The following CRHR2 variants were observed in gnomAD, a reference collection of about 807,000 sequenced individuals.
CRHR2 encodes the protein corticotropin releasing hormone receptor 2.
CRHR2 carries 53 observed loss-of-function variants against 57.9 expected under a neutral mutation model. The ratio of observed to expected loss-of-function variants is 0.92; its 90% CI spans 0.73 to 1.15. CRHR2 has a LOEUF of 1.15. Ranked by LOEUF, CRHR2 falls within the 50% of genes most tolerant of loss-of-function variation. The pLI, the probability that CRHR2 is intolerant of heterozygous loss-of-function variation, is 0.00. For missense variants in CRHR2, 532 were observed against 542.6 expected, an observed-to-expected ratio of 0.98 and a Z score of 0.19; for synonymous variants, 213 against 220.9, an observed-to-expected ratio of 0.96 and a Z score of 0.32.
chr7:30,678,302 T>C (rs1784585186), intron 2 of CRHR2, among the ~76,000 whole-genome samples: 1 of 152,138 alleles, frequency 6.6e-6, no homozygotes, highest in Non-Finnish European at 1.5e-5. Context: ...AGTTTCCCCA[T>C]GTGTAAAATG....
At chr7:30,693,349 T>C (rs1286904578) in intron 1 of CRHR2, among the ~76,000 whole-genome samples, 1 of 152,094 alleles carries the variant, frequency 6.6e-6, no homozygotes, top group African/African-American at 2.4e-5. Flanking sequence ...GGAGACGGGC[T>C]GGAGATTGGG....
chr7:30,669,552 G>A (rs1330299434), intron 2 of CRHR2, among the ~76,000 whole-genome samples: 2 of 152,150 alleles, frequency 1.3e-5, no homozygotes, highest in Non-Finnish European at 2.9e-5. Context: ...GGGGTCCCAA[G>A]TTCCATGGAT....
intron 1 of CRHR2, among the ~76,000 whole-genome samples, chr7:30,695,031 A>AGGTG (rs1785030120): frequency 8.1e-6 from 1 of 123,214 alleles, no homozygotes; most frequent in African/African-American, 3.1e-5. Flanking sequence ...GTGGGGGAGG[A>AGGTG]AGGAAGGATA....
intron 1 of CRHR2, among the ~76,000 whole-genome samples, chr7:30,698,468 T>C (rs1785102691): frequency 6.6e-6 from 1 of 152,146 alleles, no homozygotes; most frequent in African/African-American, 2.4e-5. Flanking sequence ...GGAAGGCACC[T>C]ATCTGGAAAA....
At chr7:30,676,336 A>G (rs572259685) in intron 2 of CRHR2, among the ~76,000 whole-genome samples, 2 of 152,244 alleles carry the variant, frequency 1.3e-5, no homozygotes, top group East Asian at 1.9e-4. Flanking sequence ...GTTCTCACAC[A>G]TGGAGTAACT....
chr7:30,692,147 G>A (rs1052084035), intron 1 of CRHR2, among the ~76,000 whole-genome samples: 1 of 152,172 alleles, frequency 6.6e-6, no homozygotes, highest in African/African-American at 2.4e-5. Flanking sequence ...ATTACTGTAG[G>A]TCAAGAGCCT....
intron 2 of CRHR2, among the ~76,000 whole-genome samples, chr7:30,670,402 A>G (rs1409611910): frequency 1.3e-5 from 2 of 152,220 alleles, no homozygotes; most frequent in African/African-American, 2.4e-5. Flanking sequence ...TAGAAGCCAT[A>G]TTGGAGCCAC....
In CRHR2 at chr7:30,667,253, T is replaced by C; in HGVS notation, c.290A>G (p.Gln97Arg). The change falls in exon 3 of 12, where the codon CAG becomes CGG. Residue 97 changes from glutamine to arginine, a missense_variant. Physicochemically the swap from Gln to Arg is conservative, Grantham distance 43. Coordinates refer to ENST00000471646, the MANE Select transcript of CRHR2 (RefSeq NM_001883.5). ...GTWASKINYSQCEPILDDKQR... is the reference protein window; with the variant it reads ...GTWASKINYSRCEPILDDKQR... The stretch of plus-strand genomic sequence containing the variant: ...CTTGTCATCCAAAATGGGCTCACAC[T>C]GTGAGTAGTTGATCTTTGAGGCCCA... 6.2e-7 allele frequency: 1 copy of C among 1,614,166 alleles called. No homozygotes were observed. The highest frequency in any genetic ancestry group is 1.6e-4 in the Middle Eastern group (1 of 6,062).
Position 30,665,555 on chromosome 7 carries a change from C to T in CRHR2, c.400G>A (p.Ala134Thr), listed in dbSNP as rs138566173. 3.5e-4 allele frequency: 554 copies of T among 1,561,940 alleles called. 3 individuals carry two copies. The highest frequency in any genetic ancestry group is 7.6e-5 in the Admixed American group (4 of 52,828). Residue 134 changes from alanine to threonine, a missense_variant, in exon 4 of 12, where the codon GCC (alanine) becomes ACC (threonine). Ala to Thr is a moderately conservative substitution (Grantham distance 58). Coordinates refer to ENST00000471646, the MANE Select transcript of CRHR2 (RefSeq NM_001883.5). The surrounding 1 kb of genome is among the most constrained non-coding windows in gnomAD (Gnocchi z 4.5). ...HCVSVAALVA[A>T]FLLFLALRSI... is the part of the protein sequence containing the mutation. ...CGCAGGGCCAGGAAAAGCAGGAAGG[C>T]GGCCACCAGGGCTGCCACAGATACG...
chr7:30,695,665 G>T (rs1223303995), intron 1 of CRHR2, among the ~76,000 whole-genome samples: 1 of 152,154 alleles, frequency 6.6e-6, no homozygotes, highest in African/African-American at 2.4e-5. Context: ...CACATCTAAT[G>T]TCCAGTTTGC....
chr7:30,655,532 G>C, intron 10 of CRHR2, 48 bp downstream of exon 10: 1 of 1,579,652 alleles, frequency 6.3e-7, no homozygotes. Context: ...TGCCAGAGCA[G>C]CCTCAGGAAA....
At chr7:30,682,491 G>T (rs768465829), upstream of CRHR2, 8 of 1,306,888 alleles carry the variant, frequency 6.1e-6, no homozygotes, top group Non-Finnish European at 5.8e-6. Flanking sequence ...CCGAGTGCAC[G>T]GAGCTGCGGG....
Position 30,659,288 on chromosome 7 carries a change from GTTCCTCGCCTCCCTTTCTCTTGGCAT to G in CRHR2, c.831+1259_831+1284del, listed in dbSNP as rs1783904887. ...CTGGGTCTTGACACTGAGCTCTTGC[GTTCCTCGCCTCCCTTTCTCTTGGCAT>G]TTCCTCACCACCCTTCCAACATCTT... On this transcript the variant is annotated intron_variant, in intron 8 of 11. Transcript: ENST00000471646. 2.0e-5 allele frequency among the ~76,000 whole-genome samples: 3 copies of G among 152,118 alleles called. No individual in the cohort carries two copies. In the South Asian group the frequency reaches 6.2e-4, roughly 31 times the overall value.
chr7:30,673,045 A>G (rs561111940), intron 2 of CRHR2, among the ~76,000 whole-genome samples: 1 of 152,232 alleles, frequency 6.6e-6, no homozygotes, highest in African/African-American at 2.4e-5. Flanking sequence ...TGTCATTACC[A>G]CTTGGTGTCC....
At chr7:30,700,078 A>G in exon 1 of CRHR2, 1 of 1,281,190 alleles carries the variant, frequency 7.8e-7, no homozygotes, top group Non-Finnish European at 1.0e-6. Flanking sequence ...GCTGCCCAGC[A>G]CGGTGGTCAC....
chr7:30,667,346 C>T, intron 2 of CRHR2, 33 bp from the exon 3 acceptor site: 2 of 1,596,456 alleles, frequency 1.3e-6, no homozygotes, highest in Non-Finnish European at 1.7e-6. Context: ...AGAGTCAGGT[C>T]ACTCCCCTCC....
At chr7:30,670,450 G>A (rs140726999) in intron 2 of CRHR2, among the ~76,000 whole-genome samples, 132 of 152,296 alleles carry the variant, frequency 8.7e-4, no homozygotes, top group African/African-American at 2.9e-3. Flanking sequence ...AGGAAATGTC[G>A]GCTGAACAGA....
chr7:30,688,814 C>G (rs1194619656), intron 2 of CRHR2: 4 of 460,830 alleles, frequency 8.7e-6, no homozygotes, highest in Non-Finnish European at 1.3e-5. Flanking sequence ...AAGTCCTTAC[C>G]AGGAAGTCAC....
intron 2 of CRHR2, among the ~76,000 whole-genome samples, chr7:30,681,673 C>G (rs1195917926): frequency 1.3e-5 from 2 of 152,188 alleles, no homozygotes; most frequent in African/African-American, 4.8e-5. Context: ...CCTTTTTGGG[C>G]TGTCACCGCA....
Sources: gnomAD v4.1 joint callset for allele counts (sites outside exome capture counted in the v4.1 genomes callset) on GRCh38, gnomAD v4.1.1 for gene constraint, Gnocchi (gnomAD v3.1) non-coding constraint, MANE v1.5 for transcripts, NCBI Gene and HGNC (gene_info 2026-07-23, HGNC 2026-07-21) for gene names.